Variants in AMZ1 observed in about 807,000 individuals in gnomAD.
AMZ1 encodes archaelysin family metallopeptidase 1.
A neutral mutation model predicts 29.9 loss-of-function variants in AMZ1; 39 were observed. The ratio of observed to expected loss-of-function variants is 1.30; its 90% confidence interval spans 1.01 to 1.70. The LOEUF is 1.70. Ranked by LOEUF, AMZ1 falls within the 40% of genes most tolerant of loss-of-function variation. The probability of loss-of-function intolerance (pLI) is 0.00; values close to 1 mark genes in which losing one functional copy is unlikely to be tolerated. For synonymous variants in AMZ1, 458 were observed against 304.0 expected, an observed-to-expected ratio of 1.51 and a Z score of -5.27; for missense variants, 1,041 against 680.6, an observed-to-expected ratio of 1.53 and a Z score of -5.89.
downstream of AMZ1, among the ~76,000 whole-genome samples, chr7:2,722,731 G>A (rs1014188187): frequency 2.6e-5 from 4 of 152,216 alleles, no homozygotes; most frequent in East Asian, 7.7e-4. Flanking sequence ...CAGCACTTCA[G>A]GAAGGCTGAG....
At chr7:2,733,720 C>A (rs1414017475) in intron 4 of AMZ1, among the ~76,000 whole-genome samples, 2 of 152,224 alleles carry the variant, frequency 1.3e-5, no homozygotes, top group Admixed American at 6.5e-5. Flanking sequence ...CCCCAAGGTT[C>A]AAATTCTGGC....
At position 2,700,343 on chromosome 7, in the gene AMZ1, A is replaced by G. The variant is rs1001294525; in HGVS notation, c.-109A>G. ...TGTCTGCAGGGAGCCCCCGGTAGCC[A>G]CTCGGATCAGCCCGAGGGAAGATTC... On this transcript the variant is annotated 5_prime_UTR_variant, in exon 2 of 7. Coordinates refer to ENST00000683327, the MANE Select transcript of AMZ1 (RefSeq NM_001384743.1). 160 of 1,318,226 alleles carry G rather than the reference A, an allele frequency of 1.2e-4. No individual in the cohort carries two copies. The highest frequency in any genetic ancestry group is 1.6e-4 in the Non-Finnish European group (152 of 975,974). 81.7% of individuals were successfully genotyped at this position (1,318,226 alleles called of 1,614,324 possible).
chr7:2,727,184 C>T (rs541937128), intron 4 of AMZ1, among the ~76,000 whole-genome samples: 7 of 152,246 alleles, frequency 4.6e-5, no homozygotes, highest in South Asian at 2.1e-4. Flanking sequence ...CGGGTTCAAG[C>T]GATTCTCCTG....
At chr7:2,726,193 G>A (rs1349578748) in intron 4 of AMZ1, among the ~76,000 whole-genome samples, 2 of 152,238 alleles carry the variant, frequency 1.3e-5, no homozygotes, top group African/African-American at 4.8e-5. Context: ...GGAAAGATTA[G>A]CAAGGATTTC....
intron 2 of AMZ1, among the ~76,000 whole-genome samples, chr7:2,701,710 G>A (rs929435176): frequency 3.9e-5 from 6 of 152,204 alleles, no homozygotes; most frequent in Admixed American, 2.6e-4. Context: ...AGCGCACCAC[G>A]CCTTTCGGCA....
upstream of AMZ1, among the ~76,000 whole-genome samples, chr7:2,687,912 C>T (rs1268195796): frequency 6.6e-6 from 1 of 152,190 alleles, no homozygotes; most frequent in Non-Finnish European, 1.5e-5. Context: ...CACCTGGCGC[C>T]TTGCAGAGTA....
Position 2,709,804 on chromosome 7 carries a change from C to A in AMZ1, c.936C>A (p.Ile312=), listed in dbSNP as rs576714230. ...KLQHVLGFRL[I]ERYQRLYTWT... ...AGCATGTCCTGGGTTTCAGGCTCAT[C>A]GAGAGGTACCAGGTGAGTGGCTGAG... is the stretch of plus-strand genomic sequence containing the variant. Residue 312 remains isoleucine, a synonymous_variant, in exon 6 of 7, where the codon ATC becomes ATA. Transcript: ENST00000683327. 26 of 1,611,880 alleles carry A rather than the reference C, an allele frequency of 1.6e-5. No homozygotes were observed. Among genetic ancestry groups the A allele is most frequent in the Non-Finnish European group, 2.0e-5 (24 of 1,179,808 alleles).
At chr7:2,727,412 T>C (rs1310914343) in intron 4 of AMZ1, among the ~76,000 whole-genome samples, 1 of 152,120 alleles carries the variant, frequency 6.6e-6, no homozygotes, top group Non-Finnish European at 1.5e-5. Context: ...GGGTCTTTGC[T>C]CTTGCCCAGG....
At chr7:2,756,253 T>TA (rs991351055) in intron 4 of AMZ1, among the ~76,000 whole-genome samples, 6 of 151,794 alleles carry the variant, frequency 4.0e-5, no homozygotes, top group East Asian at 1.9e-4. Flanking sequence ...GCACATAACT[T>TA]AAAAAAAACT....
intron 4 of AMZ1, among the ~76,000 whole-genome samples, chr7:2,737,269 GTTTTGTT>G (rs1790238729): frequency 2.6e-5 from 1 of 38,112 alleles, no homozygotes; most frequent in Non-Finnish European, 5.4e-5. Context: ...TCACAGTTTT[GTTTTGTT>G]TTTTTTTTTT....
chr7:2,713,915 T>C lies in AMZ1; in HGVS notation c.*1037T>C, dbSNP rs1402575526. The C allele has an allele frequency of 6.6e-6, 1 of 151,320 alleles. No homozygotes were observed. Among genetic ancestry groups the C allele is most frequent in the East Asian group, 1.9e-4 (1 of 5,168 alleles). The allele number at this position is 151,320 out of a possible 1,614,324, so 9.4% of individuals were successfully genotyped here. ...TGGTGATCAGATGATCTGTCTTTCC[T>C]TTTTTTTTCGGTCTAGTTCTGTCAG... On this transcript the variant is annotated 3_prime_UTR_variant, in exon 7 of 7. Coordinates refer to ENST00000683327, the MANE Select transcript of AMZ1 (RefSeq NM_001384743.1).
At chr7:2,703,590 C>T (rs1190863823) in intron 3 of AMZ1, among the ~76,000 whole-genome samples, 1 of 152,118 alleles carries the variant, frequency 6.6e-6, no homozygotes, top group African/African-American at 2.4e-5. Context: ...GGTTGAGAGG[C>T]AGAGGTGAAG....
chr7:2,719,779 C>A (rs1789341346), downstream of AMZ1, among the ~76,000 whole-genome samples: 1 of 151,238 alleles, frequency 6.6e-6, no homozygotes, highest in Admixed American at 6.6e-5. Flanking sequence ...CTTCCAGTTT[C>A]AAGCGATTCT....
chr7:2,755,830 T>G (rs1470325754), intron 4 of AMZ1, among the ~76,000 whole-genome samples: 2 of 152,236 alleles, frequency 1.3e-5, no homozygotes, highest in South Asian at 2.1e-4. Context: ...ATTTGAAACC[T>G]AAATAATTGG....
chr7:2,759,922 G>A (rs1311256139), upstream of AMZ1, among the ~76,000 whole-genome samples: 1 of 152,202 alleles, frequency 6.6e-6, no homozygotes, highest in African/African-American at 2.4e-5. Context: ...CCTGCTTTCT[G>A]CCACCTGCTC....
chr7:2,726,749 G>C (rs798536), intron 4 of AMZ1, among the ~76,000 whole-genome samples: 179 of 152,268 alleles, frequency 1.2e-3, no homozygotes, highest in Admixed American at 3.2e-3. Context: ...GAGATGCCCC[G>C]TGATGCCGAA....
rs576511268 is a variant in AMZ1 at position 2,719,432 on chromosome 7, C to T, written c.*6554C>T. Among the ~76,000 whole-genome samples the T allele has an allele frequency of 3.5e-4, 53 of 152,348 alleles. 2 individuals are homozygous for T. The South Asian group carries it at 8.3e-3, about 24-fold the overall frequency. On this transcript the variant is annotated 3_prime_UTR_variant, in exon 7 of 7. Coordinates refer to ENST00000683327, the MANE Select transcript of AMZ1 (RefSeq NM_001384743.1). ...GAGCCCAGAGCATCCCTTGGCCCGA[C>T]GCACAAGTCCCACAATAGCCTCTCC... is the stretch of plus-strand genomic sequence containing the variant.
Position 2,707,724 on chromosome 7 carries a change from G to A in AMZ1, c.473-864G>A, listed in dbSNP as rs570330309. On this transcript the variant is annotated intron_variant, in intron 3 of 6. Transcript: ENST00000683327. The stretch of plus-strand genomic sequence containing the variant: ...CCCTTTCCAGCTTCTAGAGGCACCC[G>A]TATCCTTGGCTAATGGTCCTTCCTC... Among the ~76,000 whole-genome samples, 174 of 151,538 alleles carry A rather than the reference G, an allele frequency of 1.1e-3. 1 individual carries two copies. The highest frequency in any genetic ancestry group is 1.9e-3 in the Non-Finnish European group (131 of 67,952).
chr7:2,764,297 G>A (rs1791711231), upstream of AMZ1, among the ~76,000 whole-genome samples: 1 of 151,242 alleles, frequency 6.6e-6, no homozygotes, highest in Non-Finnish European at 1.5e-5. Context: ...TGCCCAGGCA[G>A]GTCTCAAACT....
Sources: gnomAD v4.1 joint callset for allele counts (sites outside exome capture counted in the v4.1 genomes callset) on GRCh38, gnomAD v4.1.1 for gene constraint, MANE v1.5 for transcripts, NCBI Gene and HGNC (gene_info 2026-07-23, HGNC 2026-07-21) for gene names.